The following ANXA2 variants were observed in gnomAD, a reference collection of about 807,000 sequenced individuals.
ANXA2 encodes annexin A2, also known as annexin II.
ANXA2 carries 28 observed loss-of-function variants against 47.3 expected under a neutral mutation model. The ratio of observed to expected loss-of-function variants is 0.59; its 90% CI spans 0.44 to 0.81. The LOEUF (loss-of-function observed/expected upper bound fraction) is 0.81, where lower values mean the gene tolerates loss of function less well. ANXA2 is among the 40% of genes least tolerant of loss of function. The pLI is 0.00. For missense variants in ANXA2, 384 were observed against 414.3 expected (o/e 0.93, Z 0.64); for synonymous variants, 172 against 155.5 (o/e 1.11, Z -0.79).
At chr15:60,397,202 T>TC in intron 1 of ANXA2, 1 of 909,552 alleles carries the variant, frequency 1.1e-6, no homozygotes, top group Non-Finnish European at 1.3e-6. Context: ...TGACTCATTG[T>TC]CACATCATGG....
intron 3 of ANXA2, among the ~76,000 whole-genome samples, chr15:60,366,382 AT>A (rs2062603217): frequency 6.7e-6 from 1 of 148,582 alleles, no homozygotes; most frequent in African/African-American, 2.5e-5. Context: ...CCCCGCCGCC[AT>A]CCCATCTAGG....
At chr15:60,347,779 A>G in intron 12 of ANXA2, 90 bp from the exon 13 acceptor site, 1 of 1,139,076 alleles carries the variant, frequency 8.8e-7, no homozygotes, top group Non-Finnish European at 1.3e-6. Context: ...CGCACAATGA[A>G]GCTTCTCCCA....
chr15:60,369,427 T>A (rs1204990559), intron 3 of ANXA2, among the ~76,000 whole-genome samples: 2 of 152,220 alleles, frequency 1.3e-5, no homozygotes, highest in African/African-American at 4.8e-5. Context: ...TGAAGAACCA[T>A]CACAAAATAC....
At chr15:60,386,351 T>C in intron 1 of ANXA2, 1 of 375,438 alleles carries the variant, frequency 2.7e-6, no homozygotes, top group East Asian at 4.8e-5. Flanking sequence ...GATGTGTGAA[T>C]GCAAAAACAA....
At chr15:60,374,067 A>C (rs755778959) in intron 3 of ANXA2, among the ~76,000 whole-genome samples, 11 of 152,184 alleles carry the variant, frequency 7.2e-5, no homozygotes, top group Non-Finnish European at 1.3e-4. Flanking sequence ...ACTCGGGGAA[A>C]GTGTAGTTTA....
Position 60,347,900 on chromosome 15 carries a change from G to A in ANXA2, c.961-211C>T, listed in dbSNP as rs75145446. On this transcript the variant is annotated intron_variant, in intron 12 of 12. Transcript: ENST00000451270. ...GGAGTGTGGTCGGAGGAGGTGCTGGGGAAGACACTCAAGGCTCCTTAGGAC... is the reference window on the plus strand; with the variant it reads ...GGAGTGTGGTCGGAGGAGGTGCTGGAGAAGACACTCAAGGCTCCTTAGGAC... 3.5e-3 allele frequency among the ~76,000 whole-genome samples: 539 copies of A among 152,312 alleles called. 3 individuals are homozygous for A. Among genetic ancestry groups the A allele is most frequent in the Middle Eastern group, 0.01 (3 of 294 alleles).
intron 3 of ANXA2, chr15:60,374,394 G>A (rs966579837): frequency 2.2e-6 from 1 of 452,394 alleles, no homozygotes; most frequent in African/African-American, 2.0e-5. Context: ...TCATGGGACA[G>A]AAAATTAAAA....
intron 3 of ANXA2, among the ~76,000 whole-genome samples, chr15:60,377,939 T>G (rs901035163): frequency 1.3e-5 from 2 of 151,932 alleles, no homozygotes; most frequent in Admixed American, 6.6e-5. Flanking sequence ...AATACAAAAA[T>G]TAGCCAGGTG....
intron 3 of ANXA2, among the ~76,000 whole-genome samples, chr15:60,372,899 T>C (rs2062729249): frequency 6.6e-6 from 1 of 151,824 alleles, no homozygotes; most frequent in African/African-American, 2.4e-5. Flanking sequence ...TCTCCCTTTG[T>C]TGCCCAGGCC....
intron 3 of ANXA2, among the ~76,000 whole-genome samples, chr15:60,379,110 C>A (rs2062819929): frequency 6.6e-6 from 1 of 152,116 alleles, no homozygotes; most frequent in East Asian, 1.9e-4. Context: ...GAAACCCCGT[C>A]TCTACTAAAA....
chr15:60,354,161 T>A lies in ANXA2; in HGVS notation c.581A>T (p.Asp194Val). The A allele has an allele frequency of 6.2e-7, 1 of 1,613,850 alleles. No homozygotes were observed. The highest frequency in any genetic ancestry group is 8.5e-7 in the Non-Finnish European group (1 of 1,179,812). The change falls in exon 8 of 13, where the codon GAT (aspartate) becomes GTT (valine). Residue 194 changes from aspartate to valine, a missense_variant. Coordinates refer to ENST00000451270, the MANE Select transcript of ANXA2 (RefSeq NM_004039.3). ...AAAAAGCTCAGCACTTACCCGAGCATCTTGGTCAATCAGTTCATAATCAAT... is the reference window on the plus strand; with the variant it reads ...AAAAAGCTCAGCACTTACCCGAGCAACTTGGTCAATCAGTTCATAATCAAT... Reference protein sequence around the residue: ...SVIDYELIDQDARDLYDAGVK... With the variant: ...SVIDYELIDQVARDLYDAGVK...
chr15:60,358,326 T>C (rs890762648), intron 5 of ANXA2, among the ~76,000 whole-genome samples: 1 of 152,214 alleles, frequency 6.6e-6, no homozygotes, highest in Non-Finnish European at 1.5e-5. Flanking sequence ...AACATGTATT[T>C]CAAAGCTGGC....
chr15:60,350,985 C>G (rs924055989), intron 11 of ANXA2, among the ~76,000 whole-genome samples: 1 of 152,110 alleles, frequency 6.6e-6, no homozygotes, highest in African/African-American at 2.4e-5. Flanking sequence ...TTTGTCTGTA[C>G]GCAAATACAT....
intron 1 of ANXA2, chr15:60,397,442 C>T: frequency 1.9e-6 from 1 of 518,468 alleles, no homozygotes. Context: ...TACTTCCCTC[C>T]TGCTGGTCGG....
intron 1 of ANXA2, 175 bp from the exon 2 acceptor site, chr15:60,386,261 A>T: frequency 1.7e-6 from 1 of 593,932 alleles, no homozygotes; most frequent in African/African-American, 1.9e-5. Context: ...AACCTCAGAG[A>T]TGGTCTGCCT....
At chr15:60,366,913 G>A (rs1351947379) in intron 3 of ANXA2, among the ~76,000 whole-genome samples, 391 of 63,674 alleles carry the variant, frequency 6.1e-3, no homozygotes, top group Non-Finnish European at 8.2e-3. Context: ...CTGCCCGGCC[G>A]CCCCTACTGG....
chr15:60,393,527 C>T (rs1364481799), intron 1 of ANXA2: 3 of 987,306 alleles, frequency 3.0e-6, no homozygotes, highest in Admixed American at 6.1e-5. Context: ...TATACACACA[C>T]ACATGCATAC....
At position 60,352,444 on chromosome 15, in the gene ANXA2, T is replaced by A. The variant is rs766773335; in HGVS notation, c.621A>T (p.Gly207=). The change falls in exon 9 of 13, where the codon GGA becomes GGT. Residue 207 remains glycine (G), a synonymous_variant. Transcript: ENST00000451270. This position sits in a 1 kb window ranked among gnomAD's most constrained non-coding sequence, Gnocchi z 4.2. The part of the protein sequence containing the change: ...DLYDAGVKRK[G]TDVPKWISIM... ...TGCTGATCCACTTGGGAACATCAGT[T>A]CCTTTCCTCTTCACTCCAGCGTCAT... 1.2e-6 allele frequency: 2 copies of A among 1,613,812 alleles called. No homozygotes were observed. The highest frequency in any genetic ancestry group is 2.2e-5 in the South Asian group (2 of 91,040).
intron 3 of ANXA2, among the ~76,000 whole-genome samples, chr15:60,368,840 A>G (rs1389096383): frequency 6.6e-6 from 1 of 152,222 alleles, no homozygotes; most frequent in African/African-American, 2.4e-5. Flanking sequence ...GAGTCCCTGT[A>G]TAACTCTAAA....
Sources: gnomAD v4.1 joint callset for allele counts (sites outside exome capture counted in the v4.1 genomes callset) on GRCh38, gnomAD v4.1.1 for gene constraint, Gnocchi (gnomAD v3.1) non-coding constraint, MANE v1.5 for transcripts, NCBI Gene and HGNC (gene_info 2026-07-23, HGNC 2026-07-21) for gene names.